The following AKAP10 variants were observed in gnomAD, a reference collection of about 807,000 sequenced individuals.
AKAP10 encodes the protein A-kinase anchor protein 10, mitochondrial.
In AKAP10, 24 loss-of-function variants were observed where a neutral mutation model predicts 80.8. That is an observed-to-expected ratio of 0.30 (90% confidence interval 0.22 to 0.42). The LOEUF (loss-of-function observed/expected upper bound fraction) is 0.42. Ranked by LOEUF, AKAP10 falls within the 10% of genes least tolerant of loss-of-function variation. The pLI, the probability that AKAP10 is intolerant of heterozygous loss-of-function variation, is 1.00. For missense variants in AKAP10, 661 were observed against 794.9 expected (o/e 0.83, Z 2.03); for synonymous variants, 291 against 277.7 (o/e 1.05, Z -0.48).
intron 1 of AKAP10, among the ~76,000 whole-genome samples, chr17:19,976,798 T>A (rs1424661069): frequency 6.6e-6 from 1 of 152,176 alleles, no homozygotes; most frequent in African/African-American, 2.4e-5. Flanking sequence ...ATTACAGGCG[T>A]GAGCCACCGC....
In AKAP10 at chr17:19,905,017, C is replaced by CATAT. The variant is rs762125349; in HGVS notation, c.*1206_*1209dup. ...AGTGATTAATAATTATATATTTATACATATATATATATATTTTTTTTTTTG... is the reference window on the plus strand; with the variant it reads ...AGTGATTAATAATTATATATTTATACATATATATATATATATATTTTTTTTTTTG... On this transcript the variant is annotated 3_prime_UTR_variant, in exon 15 of 15. Transcript: ENST00000225737. 3.7e-4 allele frequency: 52 copies of CATAT among 140,520 alleles called. 1 individual carries two copies. In the East Asian group the frequency reaches 9.5e-3, roughly 26 times the overall value. 8.7% of individuals were successfully genotyped at this position (140,520 alleles called of 1,614,324 possible).
chr17:19,946,139 T>G (rs2043102579), intron 5 of AKAP10, among the ~76,000 whole-genome samples: 1 of 127,074 alleles, frequency 7.9e-6, no homozygotes, highest in South Asian at 2.3e-4. Context: ...ATATGTATAT[T>G]ATATATTAGT....
chr17:19,913,345 G>C (rs2042711877), intron 12 of AKAP10, among the ~76,000 whole-genome samples: 1 of 151,878 alleles, frequency 6.6e-6, no homozygotes, highest in Non-Finnish European at 1.5e-5. Flanking sequence ...GTAGAGATGG[G>C]GTTTCACTGT....
intron 12 of AKAP10, among the ~76,000 whole-genome samples, chr17:19,917,375 G>A (rs925710400): frequency 2.6e-5 from 4 of 152,172 alleles, no homozygotes; most frequent in African/African-American, 9.7e-5. Flanking sequence ...TAAAGACACT[G>A]TAGAGTTCTT....
chr17:19,976,170 G>A (rs958989443), intron 1 of AKAP10, among the ~76,000 whole-genome samples: 5 of 152,146 alleles, frequency 3.3e-5, no homozygotes, highest in Non-Finnish European at 7.3e-5. Context: ...AACCAAGTTC[G>A]ATTTTGTTTA....
chr17:19,965,425 C>G (rs1011347446), intron 2 of AKAP10, among the ~76,000 whole-genome samples: 6 of 152,208 alleles, frequency 3.9e-5, no homozygotes, highest in Admixed American at 2.0e-4. Flanking sequence ...ACCATACTTA[C>G]AGCATCAATA....
At chr17:19,929,932 G>A (rs1026976551) in intron 10 of AKAP10, among the ~76,000 whole-genome samples, 2 of 150,348 alleles carry the variant, frequency 1.3e-5, no homozygotes, top group Admixed American at 6.7e-5. Context: ...AGCCACGATC[G>A]TGCCATTGCA....
chr17:19,944,641 G>A lies in AKAP10; in HGVS notation c.977-2731C>T, dbSNP rs2152415029. Among the ~76,000 whole-genome samples, 3 of 152,246 alleles carry A rather than the reference G, an allele frequency of 2.0e-5. No homozygotes were observed. In the South Asian group the frequency reaches 6.2e-4, roughly 32 times the overall value. Reference sequence around the variant, plus strand: ...CTGCACTCCAGCCTGGCGAGAGTGAGACTCCGTCTCAAAAACAAACAAACA... The same window carrying A: ...CTGCACTCCAGCCTGGCGAGAGTGAAACTCCGTCTCAAAAACAAACAAACA... On this transcript the variant is annotated intron_variant, in intron 5 of 14. Coordinates refer to ENST00000225737, the MANE Select transcript of AKAP10 (RefSeq NM_007202.4).
intron 1 of AKAP10, among the ~76,000 whole-genome samples, chr17:19,976,889 T>A (rs2043575456): frequency 6.6e-6 from 1 of 152,200 alleles, no homozygotes; most frequent in Non-Finnish European, 1.5e-5. Flanking sequence ...GACCCATACT[T>A]GCTCACTTCG....
chr17:19,913,859 T>C (rs908395593), intron 12 of AKAP10, among the ~76,000 whole-genome samples: 10 of 152,314 alleles, frequency 6.6e-5, no homozygotes, highest in Admixed American at 5.2e-4. Flanking sequence ...TTCTTAAGTA[T>C]TAAATAATTC....
chr17:19,942,612 A>G (rs1043747969), intron 5 of AKAP10, among the ~76,000 whole-genome samples: 17 of 152,242 alleles, frequency 1.1e-4, no homozygotes, highest in Non-Finnish European at 1.8e-4. Context: ...TCTGTAAAAA[A>G]GTTTATTAAA....
chr17:19,911,737 A>G (rs968268550), intron 12 of AKAP10, among the ~76,000 whole-genome samples: 2 of 141,984 alleles, frequency 1.4e-5, no homozygotes, highest in African/African-American at 5.0e-5. Flanking sequence ...CGGGAGGCTG[A>G]GGCAGGAGAA....
Position 19,977,608 on chromosome 17 carries a change from G to C in AKAP10, c.72C>G (p.Ser24=), listed in dbSNP as rs2152420585. The part of the protein sequence containing the change: ...TLRPDPGPAM[S]FFRRKVKGKE... ...CTCAGCTACCTTTCCGCCGGAAGAA[G>C]GACATGGCGGGGCCCGGGTCGGGAC... Residue 24 remains serine (S), a synonymous_variant, in exon 1 of 15, where the codon TCC becomes TCG. Coordinates refer to ENST00000225737, the MANE Select transcript of AKAP10 (RefSeq NM_007202.4). 1 of 1,234,978 alleles carries C rather than the reference G, an allele frequency of 8.1e-7. No homozygotes were observed. The highest frequency in any genetic ancestry group is 3.1e-5 in the East Asian group (1 of 31,772). 76.5% of individuals were successfully genotyped at this position (1,234,978 alleles called of 1,614,324 possible). A position where few individuals can be genotyped will look rare whatever the true frequency, so the allele number is the denominator to read the frequency against.
In AKAP10 at chr17:19,973,508, T is replaced by C. The variant is rs12602535; in HGVS notation, c.88+4084A>G. ...CTAGCATCATTTACAGATCAGTCTA[T>C]CTTTTCCCAACTAGGAACTCTATAT... On this transcript the variant is annotated intron_variant, in intron 1 of 14. Transcript: ENST00000225737. Among the ~76,000 whole-genome samples the C allele has an allele frequency of 8.0e-4, 122 of 152,352 alleles. No individual in the cohort carries two copies. In the East Asian group the frequency reaches 0.013, roughly 16 times the overall value.
At chr17:19,955,527 C>G (rs778920900) in intron 4 of AKAP10, among the ~76,000 whole-genome samples, 1 of 152,148 alleles carries the variant, frequency 6.6e-6, no homozygotes, top group Non-Finnish European at 1.5e-5. Context: ...AAAATTACCA[C>G]TAAAGCAAAG....
At chr17:19,935,602 T>C (rs186358933) in intron 9 of AKAP10, among the ~76,000 whole-genome samples, 2 of 151,536 alleles carry the variant, frequency 1.3e-5, no homozygotes, top group Admixed American at 1.3e-4. Context: ...TATAAGCTTT[T>C]TTCTATTTTT....
At chr17:19,962,416 A>G (rs1419286070) in intron 3 of AKAP10, among the ~76,000 whole-genome samples, 2 of 152,054 alleles carry the variant, frequency 1.3e-5, no homozygotes, top group Admixed American at 6.6e-5. Flanking sequence ...TGATTTCCAA[A>G]TTGCTTTCCA....
chr17:19,929,902 G>T (rs948546529), intron 10 of AKAP10, among the ~76,000 whole-genome samples: 22 of 151,686 alleles, frequency 1.5e-4, no homozygotes, highest in African/African-American at 5.3e-4. Context: ...GCTTGAACCC[G>T]GGAGGTGGAG....
chr17:19,946,240 T>A (rs12947562), intron 5 of AKAP10, among the ~76,000 whole-genome samples: 2,326 of 14,448 alleles, frequency 0.16, 236 homozygotes, highest in African/African-American at 0.2. Context: ...ATATATATTA[T>A]ATATATATAT....
Sources: gnomAD v4.1 joint callset for allele counts (sites outside exome capture counted in the v4.1 genomes callset) on GRCh38, gnomAD v4.1.1 for gene constraint, MANE v1.5 for transcripts, NCBI Gene and HGNC (gene_info 2026-07-23, HGNC 2026-07-21) for gene names.